The following SPATA16 variants were observed in gnomAD, a reference collection of about 807,000 sequenced individuals.
SPATA16 encodes the protein spermatogenesis-associated protein 16.
In SPATA16, 36 loss-of-function variants were observed where a neutral mutation model predicts 63.3. The ratio of observed to expected loss-of-function variants is 0.57; its 90% confidence interval spans 0.44 to 0.75. The LOEUF is 0.75. Ranked by LOEUF, SPATA16 falls within the 30% of genes least tolerant of loss-of-function variation. The pLI is 0.00. For missense variants in SPATA16, 646 were observed against 679.3 expected (o/e 0.95, Z 0.54); for synonymous variants, 203 against 216.7 (o/e 0.94, Z 0.56).
At chr3:173,122,429 A>G (rs575116506) in intron 1 of SPATA16, among the ~76,000 whole-genome samples, 1 of 152,300 alleles carries the variant, frequency 6.6e-6, no homozygotes, top group Non-Finnish European at 1.5e-5. Flanking sequence ...CAGCTCAAAC[A>G]TGGGCAATTC....
chr3:172,978,575 A>C (rs1206075397), intron 4 of SPATA16, among the ~76,000 whole-genome samples: 2 of 152,218 alleles, frequency 1.3e-5, no homozygotes, highest in African/African-American at 2.4e-5. Context: ...TATTTATAGG[A>C]GTTGGGTACA....
At chr3:173,111,218 G>C (rs1339401729) in intron 2 of SPATA16, among the ~76,000 whole-genome samples, 1 of 152,046 alleles carries the variant, frequency 6.6e-6, no homozygotes, top group African/African-American at 2.4e-5. Context: ...ATGAGTAAAA[G>C]TGCCTAGAAC....
intron 5 of SPATA16, among the ~76,000 whole-genome samples, chr3:172,966,125 A>G (rs1177233272): frequency 6.6e-6 from 1 of 152,220 alleles, no homozygotes; most frequent in Non-Finnish European, 1.5e-5. Flanking sequence ...CACATACATT[A>G]TATACCTATA....
rs765946608 is a variant in SPATA16 at position 172,889,549 on chromosome 3, G to A, written c.*21C>T. On this transcript the variant is annotated 3_prime_UTR_variant, in exon 11 of 11. Transcript: ENST00000351008. The stretch of plus-strand genomic sequence containing the variant: ...CCTCTTCTTCTGGGATATCTTAGTG[G>A]TAGTGCCTGCTCCCTAATGACTACC... The A allele has an allele frequency of 1.9e-6, 3 of 1,613,254 alleles. No individual in the cohort carries two copies. The highest frequency in any genetic ancestry group is 4.5e-5 in the East Asian group (2 of 44,872).
chr3:173,035,041 A>C (rs1457953321), intron 3 of SPATA16, among the ~76,000 whole-genome samples: 2 of 152,160 alleles, frequency 1.3e-5, no homozygotes, highest in Non-Finnish European at 2.9e-5. Context: ...TTTGGAAAGA[A>C]TACGCTTTCC....
chr3:172,959,533 TAGAG>T lies in SPATA16; in HGVS notation c.934-2713_934-2710del, dbSNP rs1439234738. Among the ~76,000 whole-genome samples the T allele has an allele frequency of 9.9e-5, 15 of 152,064 alleles. No homozygotes were observed. In the South Asian group the frequency reaches 3.1e-3, roughly 32 times the overall value. ...ATGGGTAAGGAAGTGGGTGAGTAAA[TAGAG>T]AGAGTATGTAATTTACAAATAGAAA... is the stretch of plus-strand genomic sequence containing the variant. On this transcript the variant is annotated intron_variant, in intron 5 of 10. Transcript: ENST00000351008.
At chr3:173,080,131 G>T (rs1230376902) in intron 2 of SPATA16, among the ~76,000 whole-genome samples, 1 of 152,112 alleles carries the variant, frequency 6.6e-6, no homozygotes, top group Non-Finnish European at 1.5e-5. Flanking sequence ...AGTGAGAATT[G>T]ATTTTCTAGA....
intron 5 of SPATA16, among the ~76,000 whole-genome samples, chr3:172,959,462 A>G (rs759762468): frequency 1.3e-5 from 2 of 152,226 alleles, no homozygotes; most frequent in African/African-American, 4.8e-5. Flanking sequence ...CTGAGAACCA[A>G]TAGAGATGGG....
At chr3:173,098,219 G>T (rs1364722569) in intron 2 of SPATA16, among the ~76,000 whole-genome samples, 1 of 151,876 alleles carries the variant, frequency 6.6e-6, no homozygotes, top group East Asian at 1.9e-4. Context: ...CAGCCATCCT[G>T]AATCTGTTTG....
intron 3 of SPATA16, among the ~76,000 whole-genome samples, chr3:173,027,704 G>C (rs1429933719): frequency 6.6e-6 from 1 of 151,636 alleles, no homozygotes; most frequent in East Asian, 1.9e-4. Flanking sequence ...ACTCCTCTTG[G>C]TATCTTCCCC....
chr3:173,035,631 T>A (rs1242718046), intron 3 of SPATA16, among the ~76,000 whole-genome samples: 1 of 152,070 alleles, frequency 6.6e-6, no homozygotes, highest in Admixed American at 6.6e-5. Flanking sequence ...GAAACACTTT[T>A]AAAGAAGACA....
intron 2 of SPATA16, among the ~76,000 whole-genome samples, chr3:173,091,289 T>A (rs1737214970): frequency 6.6e-6 from 1 of 152,112 alleles, no homozygotes; most frequent in Non-Finnish European, 1.5e-5. Flanking sequence ...AGTAAATTCA[T>A]AAATGTTTAT....
chr3:173,017,721 G>A (rs1735225378), intron 4 of SPATA16, among the ~76,000 whole-genome samples: 1 of 152,180 alleles, frequency 6.6e-6, no homozygotes, highest in Non-Finnish European at 1.5e-5. Context: ...ATCTAGTTCT[G>A]AAATTGTGTC....
intron 10 of SPATA16, among the ~76,000 whole-genome samples, chr3:172,897,684 A>C (rs1447267670): frequency 6.6e-6 from 1 of 152,060 alleles, no homozygotes; most frequent in Non-Finnish European, 1.5e-5. Flanking sequence ...TTATGTAGAC[A>C]ATTATGTTAT....
chr3:173,030,306 AG>A (rs1185282002), intron 3 of SPATA16, among the ~76,000 whole-genome samples: 1 of 152,134 alleles, frequency 6.6e-6, no homozygotes, highest in Non-Finnish European at 1.5e-5. Flanking sequence ...ACAGAATGGG[AG>A]AAAATATTTG....
Position 172,956,061 on chromosome 3 carries a change from C to CA in SPATA16, c.1081+615dup, listed in dbSNP as rs1356695488. On this transcript the variant is annotated intron_variant, in intron 6 of 10. Coordinates refer to ENST00000351008, the MANE Select transcript of SPATA16 (RefSeq NM_031955.6). ...TGTTGAGTAGCTCCTAATTTAATGCCAAAAAAATCCTCCTCTTAAACCAAA... is the reference window on the plus strand; with the variant it reads ...TGTTGAGTAGCTCCTAATTTAATGCCAAAAAAAATCCTCCTCTTAAACCAAA... 3.9e-5 allele frequency among the ~76,000 whole-genome samples: 6 copies of CA among 151,940 alleles called. No individual in the cohort carries two copies. The South Asian group carries it at 1.0e-3, about 26-fold the overall frequency.
intron 2 of SPATA16, among the ~76,000 whole-genome samples, chr3:173,055,611 G>A (rs984228579): frequency 2.8e-4 from 43 of 152,228 alleles, no homozygotes; most frequent in Non-Finnish European, 4.4e-4. Context: ...CTGCATAGGT[G>A]TTGTGTTTAT....
intron 5 of SPATA16, among the ~76,000 whole-genome samples, chr3:172,966,830 A>T (rs1733929147): frequency 6.6e-6 from 1 of 152,208 alleles, no homozygotes. Context: ...AGCTTAAAAA[A>T]TTTCATGATT....
intron 6 of SPATA16, among the ~76,000 whole-genome samples, chr3:172,939,062 C>A (rs1733081726): frequency 6.6e-6 from 1 of 152,028 alleles, no homozygotes; most frequent in Admixed American, 6.6e-5. Context: ...TACTTATGAC[C>A]CGGGAGCCCC....
Sources: allele counts gnomAD v4.1 joint callset (sites outside exome capture counted in the v4.1 genomes callset), GRCh38; gene constraint gnomAD v4.1.1; transcripts MANE v1.5; gene names NCBI Gene and HGNC (gene_info 2026-07-23, HGNC 2026-07-21).